IMMP2L: variants seen among roughly 807,000 people sequenced by gnomAD.
IMMP2L encodes inner mitochondrial membrane peptidase subunit 2.
In IMMP2L, 18 loss-of-function variants were observed where a neutral mutation model predicts 19.3. The observed-to-expected ratio is 0.93, with a 90% CI of 0.64 to 1.38. IMMP2L has a LOEUF of 1.38. IMMP2L is among the 40% of genes most tolerant of loss of function. The pLI, the probability that IMMP2L is intolerant of heterozygous loss-of-function variation, is 0.00. For missense variants in IMMP2L, 233 were observed against 218.2 expected (o/e 1.07, Z -0.43); for synonymous variants, 76 against 73.0 (o/e 1.04, Z -0.21).
chr7:111,313,878 T>C (rs972856427), intron 3 of IMMP2L, among the ~76,000 whole-genome samples: 4 of 151,414 alleles, frequency 2.6e-5, no homozygotes, highest in Admixed American at 2.6e-4. Context: ...TGGTGGGAGG[T>C]GTTTGGATCC....
intron 4 of IMMP2L, among the ~76,000 whole-genome samples, chr7:110,960,831 T>C (rs1167067767): frequency 6.6e-6 from 1 of 151,934 alleles, no homozygotes; most frequent in African/African-American, 2.4e-5. Flanking sequence ...AAAGAACCTC[T>C]TATAACTTAA....
At chr7:111,079,920 T>C (rs1795749240) in intron 3 of IMMP2L, among the ~76,000 whole-genome samples, 1 of 152,178 alleles carries the variant, frequency 6.6e-6, no homozygotes, top group African/African-American at 2.4e-5. Context: ...GGCATGCTCT[T>C]GCTCTTTTAC....
intron 5 of IMMP2L, among the ~76,000 whole-genome samples, chr7:110,878,716 T>C (rs1374228172): frequency 3.3e-5 from 5 of 152,064 alleles, no homozygotes; most frequent in Non-Finnish European, 7.4e-5. Context: ...AAAATGTATT[T>C]TAAAAAACTG....
At chr7:111,560,693 A>T (rs1209616690) in intron 1 of IMMP2L, among the ~76,000 whole-genome samples, 1 of 152,220 alleles carries the variant, frequency 6.6e-6, no homozygotes, top group Non-Finnish European at 1.5e-5. Flanking sequence ...GGCCTACCCC[A>T]AAACAGCCAT....
chr7:110,722,247 G>A (rs1051451745), intron 5 of IMMP2L, among the ~76,000 whole-genome samples: 19 of 152,072 alleles, frequency 1.2e-4, no homozygotes, highest in Non-Finnish European at 1.3e-4. Context: ...AATATTAATA[G>A]TAATAGCAGT....
chr7:111,218,616 T>C (rs1041342914), intron 3 of IMMP2L, among the ~76,000 whole-genome samples: 4 of 152,018 alleles, frequency 2.6e-5, no homozygotes, highest in African/African-American at 7.2e-5. Context: ...CTAAAGACAG[T>C]TGTGAAAGTC....
At chr7:111,497,028 CATTAATAAAA>C (rs1843661121) in intron 2 of IMMP2L, among the ~76,000 whole-genome samples, 1 of 152,062 alleles carries the variant, frequency 6.6e-6, no homozygotes, top group Admixed American at 6.6e-5. Flanking sequence ...TGTAAAACTA[CATTAATAAAA>C]TAAAAGTGAA....
At chr7:111,449,311 T>C (rs1454291110) in intron 3 of IMMP2L, among the ~76,000 whole-genome samples, 4 of 131,414 alleles carry the variant, frequency 3.0e-5, no homozygotes, top group African/African-American at 1.2e-4. Flanking sequence ...AAATCCTCAA[T>C]AAAATACTGG....
At chr7:110,764,323 C>T (rs1798528406) in intron 5 of IMMP2L, among the ~76,000 whole-genome samples, 1 of 152,098 alleles carries the variant, frequency 6.6e-6, no homozygotes, top group South Asian at 2.1e-4. Flanking sequence ...AATCATATGG[C>T]ACATTAACAA....
chr7:110,688,902 T>A (rs1793304623), intron 5 of IMMP2L, among the ~76,000 whole-genome samples: 1 of 149,630 alleles, frequency 6.7e-6, no homozygotes, highest in South Asian at 2.1e-4. Context: ...ACACACACAC[T>A]TTTTTTCTAT....
In IMMP2L at chr7:111,176,316, C is replaced by A; in HGVS notation, c.240-212751G>T. 1.3e-5 allele frequency among the ~76,000 whole-genome samples: 2 copies of A among 152,020 alleles called. 1 individual carries two copies. The highest frequency in any genetic ancestry group is 3.9e-4 in the East Asian group (2 of 5,170). On this transcript the variant is annotated intron_variant, in intron 3 of 5. Coordinates refer to ENST00000405709, the MANE Select transcript of IMMP2L (RefSeq NM_032549.4). ...GTATTCAAAGAGGTATCTATCTGCA[C>A]ACCCATGTTTACTGCAACATTATTC...
chr7:111,289,693 G>T (rs966002907), intron 3 of IMMP2L, among the ~76,000 whole-genome samples: 2 of 151,120 alleles, frequency 1.3e-5, no homozygotes, highest in African/African-American at 4.9e-5. Context: ...GTTCTATTTT[G>T]TTTTGTTTTG....
chr7:110,753,495 A>T (rs1293826624), intron 5 of IMMP2L, among the ~76,000 whole-genome samples: 1 of 152,032 alleles, frequency 6.6e-6, no homozygotes, highest in African/African-American at 2.4e-5. Flanking sequence ...GGATTTGTGT[A>T]TAAAGAAGCT....
At chr7:110,986,838 AT>A (rs1317705697) in intron 3 of IMMP2L, among the ~76,000 whole-genome samples, 2 of 151,720 alleles carry the variant, frequency 1.3e-5, no homozygotes, top group Non-Finnish European at 2.9e-5. Context: ...AAAAAAAAAA[AT>A]CTCTACTTCA....
At chr7:110,769,786 T>G (rs562600295) in intron 5 of IMMP2L, among the ~76,000 whole-genome samples, 1 of 152,282 alleles carries the variant, frequency 6.6e-6, no homozygotes, top group South Asian at 2.1e-4. Context: ...AGACGTTATA[T>G]GACAATACTG....
chr7:111,351,347 C>T (rs983682872), intron 3 of IMMP2L, among the ~76,000 whole-genome samples: 11 of 152,068 alleles, frequency 7.2e-5, no homozygotes, highest in East Asian at 1.9e-4. Flanking sequence ...CGTGCCACCA[C>T]GCCCAGCTAA....
intron 3 of IMMP2L, among the ~76,000 whole-genome samples, chr7:111,181,002 C>T (rs1315911734): frequency 1.3e-5 from 2 of 151,876 alleles, no homozygotes; most frequent in Non-Finnish European, 2.9e-5. Flanking sequence ...AATATTATAC[C>T]ATATTTCTAT....
chr7:111,343,541 T>C (rs1171675321), intron 3 of IMMP2L, among the ~76,000 whole-genome samples: 1 of 152,100 alleles, frequency 6.6e-6, no homozygotes, highest in Non-Finnish European at 1.5e-5. Context: ...GCTTCACTCC[T>C]TCAGCAACCA....
intron 4 of IMMP2L, among the ~76,000 whole-genome samples, chr7:110,945,201 T>C (rs1036655715): frequency 1.3e-5 from 2 of 151,978 alleles, no homozygotes; most frequent in Non-Finnish European, 1.5e-5. Context: ...GGGCCGCATC[T>C]GCAGGGCTCC....
Sources: gnomAD v4.1 joint callset for allele counts (sites outside exome capture counted in the v4.1 genomes callset) on GRCh38, gnomAD v4.1.1 for gene constraint, MANE v1.5 for transcripts, NCBI Gene and HGNC (gene_info 2026-07-23, HGNC 2026-07-21) for gene names.